The following BAALC variants were observed in gnomAD, a reference collection of about 807,000 sequenced individuals.
The protein encoded by BAALC is BAALC binder of MAP3K1 and KLF4.
A neutral mutation model predicts 15.5 loss-of-function variants in BAALC; 9 were observed. That is an observed-to-expected ratio of 0.58 (90% CI 0.35 to 1.02). The LOEUF (loss-of-function observed/expected upper bound fraction) is 1.02. BAALC is among the 50% of genes least tolerant of loss of function. The pLI is 0.02. For missense variants in BAALC, 201 were observed against 192.4 expected, an observed-to-expected ratio of 1.04 and a Z score of -0.27; for synonymous variants, 80 against 74.6, an observed-to-expected ratio of 1.07 and a Z score of -0.37.
At chr8:103,144,214 G>A (rs1233139833) in intron 1 of BAALC, among the ~76,000 whole-genome samples, 2 of 152,184 alleles carry the variant, frequency 1.3e-5, no homozygotes, top group African/African-American at 2.4e-5. Context: ...CAGGGAGGGG[G>A]CATGTTTTTC....
intron 1 of BAALC, chr8:103,200,612 A>G (rs913306917): frequency 5.9e-5 from 37 of 628,376 alleles, no homozygotes; most frequent in Non-Finnish European, 1.1e-4. Context: ...AGACTGAAAT[A>G]CCTATACTGG....
chr8:103,171,735 A>G (rs1248336494), intron 1 of BAALC, among the ~76,000 whole-genome samples: 1 of 152,182 alleles, frequency 6.6e-6, no homozygotes, highest in Non-Finnish European at 1.5e-5. Context: ...CCCAGGAAAG[A>G]CCTCACTAGC....
In BAALC at chr8:103,218,944, G is replaced by A. The variant is rs117024958; in HGVS notation, c.327+5859G>A. On this transcript the variant is annotated intron_variant, in intron 2 of 2. Coordinates refer to ENST00000309982, the MANE Select transcript of BAALC (RefSeq NM_024812.3). ...GATTTCTCCTGGATAACACTAATATGAGACATATCAAGGGAGAGTTTGGAA... is the reference window on the plus strand; with the variant it reads ...GATTTCTCCTGGATAACACTAATATAAGACATATCAAGGGAGAGTTTGGAA... 9.8e-5 allele frequency among the ~76,000 whole-genome samples: 15 copies of A among 152,304 alleles called. No individual in the cohort carries two copies. In the East Asian group the frequency reaches 2.9e-3, roughly 29 times the overall value.
At chr8:103,205,682 G>A (rs1200430205) in intron 1 of BAALC, among the ~76,000 whole-genome samples, 2 of 152,168 alleles carry the variant, frequency 1.3e-5, no homozygotes, top group South Asian at 2.1e-4. Flanking sequence ...TGAATCAGAA[G>A]TTCTGGAGGA....
chr8:103,191,247 T>C (rs891170525), intron 1 of BAALC: 2 of 151,946 alleles, frequency 1.3e-5, no homozygotes, highest in Non-Finnish European at 2.9e-5. Context: ...AGGAATATCT[T>C]AGAACAAAGA....
chr8:103,155,518 T>C (rs918056618), intron 1 of BAALC, among the ~76,000 whole-genome samples: 2 of 152,164 alleles, frequency 1.3e-5, no homozygotes, highest in African/African-American at 4.8e-5. Context: ...CTGGATGCAG[T>C]CTTCCCCTAG....
Position 103,192,958 on chromosome 8 carries a change from C to T in BAALC, c.161-19961C>T, listed in dbSNP as rs930336230. Among the ~76,000 whole-genome samples, 10 of 152,224 alleles carry T rather than the reference C, an allele frequency of 6.6e-5. No individual in the cohort carries two copies. The East Asian group carries it at 1.9e-3, about 29-fold the overall frequency. On this transcript the variant is annotated intron_variant, in intron 1 of 2. Coordinates refer to ENST00000309982, the MANE Select transcript of BAALC (RefSeq NM_024812.3). ...CAAGGAATGAGCTTCTCTCCCTCCC[C>T]TCTGCACCCCCAGCCCTAGAGCAGA... is the stretch of plus-strand genomic sequence containing the variant.
At chr8:103,169,413 CT>C (rs902225004) in intron 1 of BAALC, among the ~76,000 whole-genome samples, 1 of 152,072 alleles carries the variant, frequency 6.6e-6, no homozygotes, top group Non-Finnish European at 1.5e-5. Context: ...GTTGGTCTTT[CT>C]CTTGTTTCGT....
intron 2 of BAALC, among the ~76,000 whole-genome samples, chr8:103,220,560 T>C (rs922314104): frequency 2.0e-5 from 3 of 152,222 alleles, no homozygotes; most frequent in Non-Finnish European, 4.4e-5. Context: ...TGAAATAGAC[T>C]AGGTTCCTAC....
intron 1 of BAALC, chr8:103,200,878 G>A: frequency 2.0e-6 from 1 of 503,640 alleles, no homozygotes; most frequent in Non-Finnish European, 3.7e-6. Context: ...CTATTGCATT[G>A]GGGGTTAGAT....
chr8:103,210,078 G>A (rs1336141207), intron 1 of BAALC, among the ~76,000 whole-genome samples: 1 of 152,182 alleles, frequency 6.6e-6, no homozygotes, highest in African/African-American at 2.4e-5. Flanking sequence ...TTGCAGGGAG[G>A]AGTGGGCAGA....
rs1184876001 is a variant in BAALC, at chr8:103,213,078, C to T, written c.320C>T (p.Thr107Ile). Residue 107 changes from threonine to isoleucine, a missense_variant, in exon 2 of 3, where the codon ACC becomes ATC. Thr to Ile is a moderately conservative substitution (Grantham distance 89). Coordinates refer to ENST00000309982, the MANE Select transcript of BAALC (RefSeq NM_024812.3). ...PLTQKQNGLQ[T>I]TEAKRDAKRM... ...ACCCAGAAACAGAATGGCCTTCAGA[C>T]CACAGAGGTAGGGTTGCAGCCACAG... 1 of 1,613,782 alleles carries T rather than the reference C, an allele frequency of 6.2e-7. No homozygotes were observed. The highest frequency in any genetic ancestry group is 8.5e-7 in the Non-Finnish European group (1 of 1,179,918).
At chr8:103,222,958 C>T (rs557848352) in intron 2 of BAALC, among the ~76,000 whole-genome samples, 9 of 152,248 alleles carry the variant, frequency 5.9e-5, no homozygotes, top group African/African-American at 1.9e-4. Context: ...GGTGACTAAC[C>T]GTCCTGGTTT....
chr8:103,184,281 C>G (rs4645535), intron 1 of BAALC, among the ~76,000 whole-genome samples: 1 of 152,036 alleles, frequency 6.6e-6, no homozygotes, highest in African/African-American at 2.4e-5. Flanking sequence ...CCTGAATTCC[C>G]TTTTGCTGTG....
At chr8:103,179,174 C>T (rs562636674) in intron 1 of BAALC, among the ~76,000 whole-genome samples, 1 of 152,262 alleles carries the variant, frequency 6.6e-6, no homozygotes, top group East Asian at 1.9e-4. Context: ...ACGCTCTAGG[C>T]CAGGATCTCT....
chr8:103,144,062 C>T (rs1191792106), intron 1 of BAALC, among the ~76,000 whole-genome samples: 1 of 152,246 alleles, frequency 6.6e-6, no homozygotes, highest in Admixed American at 6.5e-5. Flanking sequence ...ACTCCACAAA[C>T]ATGTCTGCCC....
intron 1 of BAALC, among the ~76,000 whole-genome samples, chr8:103,174,817 C>G (rs563329984): frequency 2.0e-5 from 3 of 152,190 alleles, no homozygotes; most frequent in Non-Finnish European, 2.9e-5. Flanking sequence ...TGGGGAACAT[C>G]TTTTAGCTGA....
Position 103,174,056 on chromosome 8 carries a change from G to C in BAALC, c.160+32999G>C, listed in dbSNP as rs185301898. 9.9e-5 allele frequency among the ~76,000 whole-genome samples: 15 copies of C among 152,278 alleles called. 1 individual carries two copies. The highest frequency in any genetic ancestry group is 3.3e-4 in the Admixed American group (5 of 15,286). Reference sequence around the variant, plus strand: ...GAGAAACTGGAGGCCTTCACCCATAGACGATCCAGAGTGTGAAAATTACAG... The same window carrying C: ...GAGAAACTGGAGGCCTTCACCCATACACGATCCAGAGTGTGAAAATTACAG... On this transcript the variant is annotated intron_variant, in intron 1 of 2. Coordinates refer to ENST00000309982, the MANE Select transcript of BAALC (RefSeq NM_024812.3).
intron 2 of BAALC, among the ~76,000 whole-genome samples, chr8:103,216,661 AGAG>A (rs1318769486): frequency 6.6e-6 from 1 of 152,156 alleles, no homozygotes; most frequent in Non-Finnish European, 1.5e-5. Context: ...TTATTTGCAG[AGAG>A]GAGATCTCAC....
Sources: gnomAD v4.1 joint callset for allele counts (sites outside exome capture counted in the v4.1 genomes callset) on GRCh38, gnomAD v4.1.1 for gene constraint, MANE v1.5 for transcripts, NCBI Gene and HGNC (gene_info 2026-07-23, HGNC 2026-07-21) for gene names.